Variants in MTMR9 observed in about 807,000 individuals in gnomAD.
The protein encoded by MTMR9 is myotubularin related protein 9.
A neutral mutation model predicts 69.5 loss-of-function variants in MTMR9; 39 were observed. The ratio of observed to expected loss-of-function variants is 0.56; its 90% confidence interval spans 0.43 to 0.73. The LOEUF is 0.73. Among genes scored for constraint, MTMR9 ranks in the 30% least tolerant of loss-of-function variants. MTMR9 has a pLI of 0.00. For synonymous variants in MTMR9, 354 were observed against 240.8 expected (o/e 1.47, Z -4.35); for missense variants, 900 against 671.2 (o/e 1.34, Z -3.77).
At chr8:11,290,257 T>A (rs1261600641) in intron 1 of MTMR9, among the ~76,000 whole-genome samples, 1 of 152,216 alleles carries the variant, frequency 6.6e-6, no homozygotes, top group Admixed American at 6.5e-5. Flanking sequence ...AATTTTTTTT[T>A]TTCCTTTTTG....
chr8:11,296,658 G>GT (rs1453352082), intron 2 of MTMR9, among the ~76,000 whole-genome samples: 1 of 151,860 alleles, frequency 6.6e-6, no homozygotes, highest in Non-Finnish European at 1.5e-5. Context: ...TTTGTGACTG[G>GT]TTTTTTTCAC....
intron 1 of MTMR9, among the ~76,000 whole-genome samples, chr8:11,286,435 T>C (rs530140815): frequency 2.0e-5 from 3 of 151,386 alleles, no homozygotes; most frequent in African/African-American, 7.3e-5. Flanking sequence ...GAGGCCAAGG[T>C]GAGCGGATCA....
chr8:11,332,392 A>G (rs990399753), downstream of MTMR9, among the ~76,000 whole-genome samples: 2 of 152,140 alleles, frequency 1.3e-5, no homozygotes, highest in African/African-American at 4.8e-5. Flanking sequence ...GACTTACTAG[A>G]CAAAGACTAA....
rs951937594 is a variant in MTMR9, at chr8:11,323,659, A to C, written c.*871A>C. The C allele has an allele frequency of 1.3e-5, 2 of 151,434 alleles. No homozygotes were observed. The highest frequency in any genetic ancestry group is 2.9e-5 in the Non-Finnish European group (2 of 68,042). 9.4% of individuals were successfully genotyped at this position (151,434 alleles called of 1,614,324 possible). A position where few individuals can be genotyped will look rare whatever the true frequency, so the allele number is the denominator to read the frequency against. ...CTACAAATAGGTTTTCTTAAACCAG[A>C]GATGCACTGCCCTTGTCTAAAGTTC... On this transcript the variant is annotated 3_prime_UTR_variant, in exon 10 of 10. Coordinates refer to ENST00000221086, the MANE Select transcript of MTMR9 (RefSeq NM_015458.4).
rs992036081 is a variant in MTMR9 at position 11,323,999 on chromosome 8, T to A, written c.*1211T>A. On this transcript the variant is annotated 3_prime_UTR_variant, in exon 10 of 10. Transcript: ENST00000221086. ...GCCTGCAACTCCAAATGTTTGTGGT[T>A]CAGTATTTCCCACCTACATTTCTGT... The A allele has an allele frequency of 6.6e-6, 1 of 152,256 alleles. No individual in the cohort carries two copies. Among genetic ancestry groups the A allele is most frequent in the Non-Finnish European group, 1.5e-5 (1 of 68,056 alleles). 9.4% of individuals were successfully genotyped at this position (152,256 alleles called of 1,614,324 possible).
chr8:11,309,693 A>G lies in MTMR9; in HGVS notation c.971+5A>G. On this transcript the variant is annotated splice_donor_5th_base_variant and intron_variant, in intron 6 of 9. Coordinates refer to ENST00000221086, the MANE Select transcript of MTMR9 (RefSeq NM_015458.4). Reference sequence around the variant, plus strand: ...AGCGGCTCAGTGCATCGACAGGTAAAGTGCATTTCAGCGTTCCTGAGCGAA... The same window carrying G: ...AGCGGCTCAGTGCATCGACAGGTAAGGTGCATTTCAGCGTTCCTGAGCGAA... 1 of 1,612,726 alleles carries G rather than the reference A, an allele frequency of 6.2e-7. No individual in the cohort carries two copies. Among genetic ancestry groups the G allele is most frequent in the South Asian group, 1.1e-5 (1 of 90,968 alleles).
chr8:11,314,164 C>T (rs547681085), intron 6 of MTMR9, among the ~76,000 whole-genome samples: 14 of 152,262 alleles, frequency 9.2e-5, no homozygotes, highest in South Asian at 8.3e-4. Context: ...TAACCAAACC[C>T]GAAGCTTTTG....
chr8:11,329,303 A>G (rs1801092789), downstream of MTMR9, among the ~76,000 whole-genome samples: 1 of 152,214 alleles, frequency 6.6e-6, no homozygotes, highest in Non-Finnish European at 1.5e-5. Context: ...TGGAGTGGGA[A>G]GATCACTTGA....
chr8:11,319,668 A>G lies in MTMR9; in HGVS notation c.1335-19A>G, dbSNP rs1166886726. 6.2e-7 allele frequency: 1 copy of G among 1,612,148 alleles called. No homozygotes were observed. Among genetic ancestry groups the G allele is most frequent in the African/African-American group, 1.3e-5 (1 of 74,862 alleles). On this transcript the variant is annotated intron_variant, in intron 8 of 9. Transcript: ENST00000221086. ...GTTATAAATTAATTACTTTAATGGC[A>G]GTGTTCTTTCTTGATCAGATGTAAG...
chr8:11,332,216 A>T (rs1801265490), downstream of MTMR9: 3 of 1,494,614 alleles, frequency 2.0e-6, no homozygotes, highest in Non-Finnish European at 2.7e-6. Flanking sequence ...AAAAATAATT[A>T]TAATAAATCC....
At chr8:11,317,517 T>A (rs574858085) in intron 8 of MTMR9, 6 of 152,250 alleles carry the variant, frequency 3.9e-5, no homozygotes, top group African/African-American at 1.4e-4. Context: ...TCTCTGAGAA[T>A]CTGATGCTGA....
chr8:11,288,090 TATA>T (rs1324705688), intron 1 of MTMR9, among the ~76,000 whole-genome samples: 1 of 131,260 alleles, frequency 7.6e-6, no homozygotes, highest in African/African-American at 2.9e-5. Flanking sequence ...ATATAATATA[TATA>T]ATTATTCACC....
chr8:11,306,975 A>T (rs1336497659), intron 5 of MTMR9, among the ~76,000 whole-genome samples: 3 of 152,212 alleles, frequency 2.0e-5, no homozygotes, highest in Non-Finnish European at 4.4e-5. Context: ...TGCAGTGTTT[A>T]TCTTTCTGTG....
Position 11,300,058 on chromosome 8 carries a change from C to G in MTMR9, c.327C>G (p.Tyr109Ter). The change falls in exon 3 of 10, where the codon TAC becomes TAG. Residue 109 changes from tyrosine to a stop codon, truncating the protein, a stop_gained. Coordinates refer to ENST00000221086, the MANE Select transcript of MTMR9 (RefSeq NM_015458.4). LOFTEE classifies it high-confidence loss of function. ...CTCTGGACTCCATCACTCTGATGTA[C>G]CCTTTCTTTTACCGTCCTATGTTTG... The part of the protein sequence containing the change: ...LSTLDSITLM[Y>*]PFFYRPMFEV... The G allele has an allele frequency of 6.2e-7, 1 of 1,613,532 alleles. No homozygotes were observed. The highest frequency in any genetic ancestry group is 8.5e-7 in the Non-Finnish European group (1 of 1,179,644).
chr8:11,329,438 C>G (rs1169778141), downstream of MTMR9, among the ~76,000 whole-genome samples: 2 of 152,212 alleles, frequency 1.3e-5, no homozygotes, highest in Admixed American at 6.5e-5. Context: ...CTCAGCCTGC[C>G]GAGTGCCTGC....
intron 1 of MTMR9, among the ~76,000 whole-genome samples, chr8:11,290,578 T>C (rs370008009): frequency 6.6e-6 from 1 of 152,186 alleles, no homozygotes; most frequent in East Asian, 1.9e-4. Context: ...CTTCATAGTT[T>C]TACTGTTCAT....
rs114846188 is a variant in MTMR9, at chr8:11,306,110, T to C, written c.592-80T>C. On this transcript the variant is annotated intron_variant, in intron 4 of 9. Coordinates refer to ENST00000221086, the MANE Select transcript of MTMR9 (RefSeq NM_015458.4). ...TCACACAATTGTTTTTGAGATACTC[T>C]TAATCTAGCTAATTTCTTTCTGTTT... is the stretch of plus-strand genomic sequence containing the variant. 28 of 1,233,992 alleles carry C rather than the reference T, an allele frequency of 2.3e-5. No individual in the cohort carries two copies. The African/African-American group carries it at 2.7e-4, about 12-fold the overall frequency. The allele number at this position is 1,233,992 out of a possible 1,614,324, so 76.4% of individuals were successfully genotyped here. A position where few individuals can be genotyped will look rare whatever the true frequency, so the allele number is the denominator to read the frequency against.
intron 6 of MTMR9, among the ~76,000 whole-genome samples, chr8:11,311,661 G>A (rs917878038): frequency 2.0e-5 from 3 of 152,186 alleles, no homozygotes; most frequent in African/African-American, 4.8e-5. Context: ...ACTGATCAGG[G>A]TGGTAGTTAC....
intron 1 of MTMR9, among the ~76,000 whole-genome samples, chr8:11,288,908 C>T (rs1176912537): frequency 6.6e-6 from 1 of 152,218 alleles, no homozygotes. Context: ...CACGGTGGCT[C>T]ACGCCTGTAA....
Sources: allele counts gnomAD v4.1 joint callset (sites outside exome capture counted in the v4.1 genomes callset), GRCh38; gene constraint gnomAD v4.1.1; transcripts MANE v1.5; gene names NCBI Gene and HGNC (gene_info 2026-07-23, HGNC 2026-07-21).